The following ADAMTS14 variants were observed in gnomAD, a reference collection of about 807,000 sequenced individuals.
ADAMTS14 encodes the protein A disintegrin and metalloproteinase with thrombospondin motifs 14.
ADAMTS14 carries 100 observed loss-of-function variants against 128.6 expected under a neutral mutation model. The ratio of observed to expected loss-of-function variants is 0.78; its 90% CI spans 0.66 to 0.92. The LOEUF is 0.92. ADAMTS14 is among the 40% of genes least tolerant of loss of function. The probability of loss-of-function intolerance (pLI) is 0.00; values close to 1 mark genes in which losing one functional copy is unlikely to be tolerated. For synonymous variants in ADAMTS14, 665 were observed against 653.8 expected (o/e 1.02, Z -0.26); for missense variants, 1,562 against 1,658.6 (o/e 0.94, Z 1.01).
At chr10:70,753,053 C>G (rs149087313) in intron 18 of ADAMTS14, among the ~76,000 whole-genome samples, 2 of 152,358 alleles carry the variant, frequency 1.3e-5, no homozygotes, top group Non-Finnish European at 2.9e-5. Context: ...TGCCTGAGTT[C>G]CTGGCCGGTA....
rs746940189 is a variant in ADAMTS14 at position 70,709,495 on chromosome 10, G to GTTTTTTTTT, written c.870+732_870+740dup. On this transcript the variant is annotated intron_variant, in intron 4 of 21. Transcript: ENST00000373207. Reference sequence around the variant, plus strand: ...CCAGATATTTAAGTGAACATTTCCAGTTTTTTTTTTTTTTTTTTTTTTTGA... The same window carrying GTTTTTTTTT: ...CCAGATATTTAAGTGAACATTTCCAGTTTTTTTTTTTTTTTTTTTTTTTTTTTTTTTTGA... Among the ~76,000 whole-genome samples the GTTTTTTTTT allele has an allele frequency of 4.3e-4, 44 of 101,832 alleles. 1 individual carries two copies. Among genetic ancestry groups the GTTTTTTTTT allele is most frequent in the East Asian group, 7.6e-4 (2 of 2,628 alleles). 66.8% of individuals were successfully genotyped at this position (101,832 alleles called of 152,430 possible). A position where few individuals can be genotyped will look rare whatever the true frequency, so the allele number is the denominator to read the frequency against.
Position 70,675,125 on chromosome 10 carries a change from T to G in ADAMTS14, c.522+130T>G, listed in dbSNP as rs1348428178. The G allele has an allele frequency of 5.4e-5, 61 of 1,134,578 alleles. 1 individual carries two copies. In the East Asian group the frequency reaches 1.4e-3, roughly 26 times the overall value. 70.3% of individuals were successfully genotyped at this position (1,134,578 alleles called of 1,614,324 possible). On this transcript the variant is annotated intron_variant, in intron 2 of 21. Transcript: ENST00000373207. ...GGGTGGTGCTGCCTTCCAGAGGGAG[T>G]GCCGCCTGCCCCCGCGGGCCACTAG...
intron 19 of ADAMTS14, 128 bp downstream of exon 19, chr10:70,754,135 TA>T: frequency 4.7e-6 from 4 of 855,794 alleles, no homozygotes; most frequent in Non-Finnish European, 5.3e-6. Context: ...TTGTTTTCCT[TA>T]AAGTAGAATA....
At position 70,738,971 on chromosome 10, in the gene ADAMTS14, C is replaced by T. The variant is rs752110366; in HGVS notation, c.1729C>T (p.Arg577Trp). 84 of 1,577,024 alleles carry T rather than the reference C, an allele frequency of 5.3e-5. No individual in the cohort carries two copies. Among genetic ancestry groups the T allele is most frequent in the Middle Eastern group, 1.7e-4 (1 of 5,754 alleles). Residue 577 changes from arginine (R) to tryptophan (W), a missense_variant, in exon 11 of 22, where the codon CGG becomes TGG. Coordinates refer to ENST00000373207, the MANE Select transcript of ADAMTS14 (RefSeq NM_080722.4). ...SCGGGVRSRS[R>W]SCNNPSPAYG... ...TGGGGGCGGGGTGCGATCCCGCAGC[C>T]GGAGCTGCAACAACCCCTCGTGAGT...
rs181153835 is a variant in ADAMTS14, at chr10:70,694,973, G to A, written c.523-7339G>A. ...GCCAGACCGTTTTCAAAGTGGCTGC[G>A]CTGTTTTACATTCCCACCAATGTAT... On this transcript the variant is annotated intron_variant, in intron 2 of 21. Coordinates refer to ENST00000373207, the MANE Select transcript of ADAMTS14 (RefSeq NM_080722.4). Among the ~76,000 whole-genome samples, 6 of 152,238 alleles carry A rather than the reference G, an allele frequency of 3.9e-5. No individual in the cohort carries two copies. In the East Asian group the frequency reaches 5.8e-4, roughly 15 times the overall value.
At chr10:70,740,602 G>A (rs72814587) in intron 11 of ADAMTS14, among the ~76,000 whole-genome samples, 4,333 of 152,254 alleles carry the variant, frequency 0.028, 65 homozygotes, top group Non-Finnish European at 0.035. Context: ...TGGCTGAGTC[G>A]TTTATGGGGG....
At position 70,702,447 on chromosome 10, in the gene ADAMTS14, G is replaced by A. The variant is rs764128541; in HGVS notation, c.658G>A (p.Asp220Asn). 1 of 1,611,280 alleles carries A rather than the reference G, an allele frequency of 6.2e-7. No homozygotes were observed. The highest frequency in any genetic ancestry group is 8.5e-7 in the Non-Finnish European group (1 of 1,178,568). ...EAVQQEWAEP[D>N]GDLHNEAFGL... ...CGTCCAGCAGGAGTGGGCAGAACCT[G>A]ACGGGGACCTGCACAATGAAGGTAG... Residue 220 changes from aspartate (D) to asparagine (N), a missense_variant, in exon 3 of 22, where the codon GAC (aspartate) becomes AAC (asparagine). Physicochemically the swap from Asp to Asn is conservative, Grantham distance 23. Transcript: ENST00000373207.
intron 2 of ADAMTS14, among the ~76,000 whole-genome samples, chr10:70,687,175 C>G (rs1406514428): frequency 8.5e-3 from 831 of 97,298 alleles, no homozygotes; most frequent in Non-Finnish European, 0.014. Context: ...GGCCACTGGC[C>G]GGGCAGGGGG....
chr10:70,718,689 T>C (rs1479027954), intron 4 of ADAMTS14, among the ~76,000 whole-genome samples: 1 of 146,604 alleles, frequency 6.8e-6, no homozygotes, highest in Admixed American at 6.8e-5. Context: ...CCCAGCCTTT[T>C]TTTTTTTTTA....
intron 2 of ADAMTS14, among the ~76,000 whole-genome samples, chr10:70,685,593 A>G (rs1288157129): frequency 1.3e-5 from 2 of 152,178 alleles, no homozygotes; most frequent in Admixed American, 6.5e-5. Context: ...ATCCAGGGTC[A>G]TGGAATAGCA....
intron 6 of ADAMTS14, 60 bp from the exon 7 acceptor site, chr10:70,732,194 T>G: frequency 6.9e-7 from 1 of 1,445,808 alleles, no homozygotes. Context: ...CAGACCTCAG[T>G]GTGTCCTGCC....
At chr10:70,737,962 A>G (rs1841878979) in intron 10 of ADAMTS14, among the ~76,000 whole-genome samples, 1 of 152,232 alleles carries the variant, frequency 6.6e-6, no homozygotes, top group Non-Finnish European at 1.5e-5. Context: ...ATCGCATTGC[A>G]TACTTGAAAT....
Position 70,751,573 on chromosome 10 carries a change from G to C in ADAMTS14, c.2523G>C (p.Val841=), listed in dbSNP as rs139419971. The part of the protein sequence containing the change: ...DLLPLIGSNN[V]LLEEMDTYEW... ...TGCCCCTTATCGGGAGCAACAATGTGCTCCTGGAGGAGATGGACACCTATG... is the reference window on the plus strand; with the variant it reads ...TGCCCCTTATCGGGAGCAACAATGTCCTCCTGGAGGAGATGGACACCTATG... The change falls in exon 17 of 22, where the codon GTG becomes GTC. Residue 841 remains valine, a synonymous_variant. Coordinates refer to ENST00000373207, the MANE Select transcript of ADAMTS14 (RefSeq NM_080722.4). 1.4e-5 allele frequency: 23 copies of C among 1,613,928 alleles called. No individual in the cohort carries two copies. Among genetic ancestry groups the C allele is most frequent in the Non-Finnish European group, 1.9e-5 (22 of 1,179,828 alleles).
At chr10:70,722,550 G>A (rs929284207) in intron 4 of ADAMTS14, among the ~76,000 whole-genome samples, 1 of 152,120 alleles carries the variant, frequency 6.6e-6, no homozygotes, top group Non-Finnish European at 1.5e-5. Flanking sequence ...ATCCTCCTTG[G>A]AGGTCCTTGG....
Position 70,688,874 on chromosome 10 carries a change from G to C in ADAMTS14, c.523-13438G>C, listed in dbSNP as rs796087652. On this transcript the variant is annotated intron_variant, in intron 2 of 21. Transcript: ENST00000373207. ...GGGAGGGGGAGGGGGAGGGGGAGGG[G>C]GAGGGGGAGGGGGAGGGGGAGGGAG... Among the ~76,000 whole-genome samples the C allele has an allele frequency of 5.0e-4, 3 of 6,030 alleles. 1 individual carries two copies. Among genetic ancestry groups the C allele is most frequent in the Non-Finnish European group, 1.5e-3 (3 of 2,054 alleles). The allele number at this position is 6,030 out of a possible 152,430, so 4.0% of individuals were successfully genotyped here. A position where few individuals can be genotyped will look rare whatever the true frequency, so the allele number is the denominator to read the frequency against.
At chr10:70,743,193 G>A (rs1026149612) in intron 12 of ADAMTS14, among the ~76,000 whole-genome samples, 4 of 152,184 alleles carry the variant, frequency 2.6e-5, no homozygotes, top group African/African-American at 9.7e-5. Context: ...CATTAAAGCT[G>A]TATTTTAAGG....
chr10:70,742,707 G>T (rs1377881745), intron 12 of ADAMTS14, among the ~76,000 whole-genome samples: 1 of 152,226 alleles, frequency 6.6e-6, no homozygotes, highest in Non-Finnish European at 1.5e-5. Context: ...TTTTTCCCAG[G>T]ACTGTTAGAC....
At chr10:70,677,877 T>C (rs1839693932) in intron 2 of ADAMTS14, among the ~76,000 whole-genome samples, 1 of 152,242 alleles carries the variant, frequency 6.6e-6, no homozygotes, top group Non-Finnish European at 1.5e-5. Flanking sequence ...AAGGCCACGG[T>C]GTAGCATTTC....
chr10:70,697,999 G>A (rs1183601338), intron 2 of ADAMTS14, among the ~76,000 whole-genome samples: 1 of 152,256 alleles, frequency 6.6e-6, no homozygotes, highest in Non-Finnish European at 1.5e-5. Flanking sequence ...TAGCCCAGCT[G>A]AGAGTGGCCA....
Sources: gnomAD v4.1 joint callset for allele counts (sites outside exome capture counted in the v4.1 genomes callset) on GRCh38, gnomAD v4.1.1 for gene constraint, MANE v1.5 for transcripts, NCBI Gene and HGNC (gene_info 2026-07-23, HGNC 2026-07-21) for gene names.